Variants in DLGAP1 observed in about 807,000 individuals in gnomAD.
DLGAP1 encodes the protein DLG associated protein 1.
DLGAP1 carries 11 observed loss-of-function variants against 90.8 expected under a neutral mutation model. The ratio of observed to expected loss-of-function variants is 0.12; its 90% CI spans 0.08 to 0.20. The LOEUF (loss-of-function observed/expected upper bound fraction) is 0.20. Among genes scored for constraint, DLGAP1 ranks in the 10% least tolerant of loss-of-function variants. The pLI, the probability that DLGAP1 is intolerant of heterozygous loss-of-function variation, is 1.00. For missense variants in DLGAP1, 1,050 were observed against 1,333.8 expected, an observed-to-expected ratio of 0.79 and a Z score of 3.31; for synonymous variants, 558 against 540.7, an observed-to-expected ratio of 1.03 and a Z score of -0.44.
chr18:4,164,039 G>A (rs2076892126), intron 1 of DLGAP1, among the ~76,000 whole-genome samples: 1 of 151,996 alleles, frequency 6.6e-6, no homozygotes, highest in Admixed American at 6.6e-5. Flanking sequence ...TGGAAACTCT[G>A]GCAGCACCAG....
At chr18:3,798,633 T>C (rs529562121) in intron 5 of DLGAP1, among the ~76,000 whole-genome samples, 1 of 152,326 alleles carries the variant, frequency 6.6e-6, no homozygotes, top group Admixed American at 6.5e-5. Context: ...GTTTTATCGT[T>C]GTCTATTCCC....
intron 3 of DLGAP1, among the ~76,000 whole-genome samples, chr18:3,972,806 C>T (rs1004545102): frequency 6.6e-6 from 1 of 152,152 alleles, no homozygotes; most frequent in African/African-American, 2.4e-5. Flanking sequence ...CCCTGGCCAG[C>T]AACACTGAGA....
intron 1 of DLGAP1, among the ~76,000 whole-genome samples, chr18:4,257,971 A>G (rs59545823): frequency 0.031 from 2,642 of 84,604 alleles, 25 homozygotes; most frequent in Admixed American, 0.04. Flanking sequence ...AGAGTTATAC[A>G]TATGTGTGTG....
At position 3,953,034 on chromosome 18, in the gene DLGAP1, C is replaced by T. The variant is rs182229404; in HGVS notation, c.-73+52082G>A. Among the ~76,000 whole-genome samples the T allele has an allele frequency of 4.7e-3, 722 of 152,204 alleles. 1 individual carries two copies. The highest frequency in any genetic ancestry group is 0.01 in the Middle Eastern group (3 of 294). On this transcript the variant is annotated intron_variant, in intron 3 of 12. Coordinates refer to ENST00000315677, the MANE Select transcript of DLGAP1 (RefSeq NM_004746.4). ...ATCTCTAAGTTTATTAGTTGTATATCGAATATGCAAAACAGAAAGCAGCCT... is the reference window on the plus strand; with the variant it reads ...ATCTCTAAGTTTATTAGTTGTATATTGAATATGCAAAACAGAAAGCAGCCT...
chr18:3,593,819 C>T (rs1039053262), intron 7 of DLGAP1: 5 of 152,138 alleles, frequency 3.3e-5, no homozygotes, highest in Non-Finnish European at 5.9e-5. Flanking sequence ...TCAAACGCAA[C>T]ATTGTTCTCA....
intron 5 of DLGAP1, among the ~76,000 whole-genome samples, chr18:3,796,120 C>T (rs371319789): frequency 1.3e-5 from 2 of 152,090 alleles, no homozygotes; most frequent in African/African-American, 2.4e-5. Flanking sequence ...TTACTGATAT[C>T]GCCCTTCTGT....
chr18:4,190,032 C>G (rs893126844), intron 1 of DLGAP1, among the ~76,000 whole-genome samples: 1 of 152,094 alleles, frequency 6.6e-6, no homozygotes, highest in Non-Finnish European at 1.5e-5. Flanking sequence ...ATACAGCAAT[C>G]ATACTCCTAG....
At position 3,506,426 on chromosome 18, in the gene DLGAP1, C is replaced by T. The variant is rs752750937; in HGVS notation, c.2571+2144G>A. The stretch of plus-strand genomic sequence containing the variant: ...TACTCGGGAGGGTGAGGCAGGAGAA[C>T]CTCTTGAACCCAGGAGGCGGAGGTT... On this transcript the variant is annotated intron_variant, in intron 11 of 12. Coordinates refer to ENST00000315677, the MANE Select transcript of DLGAP1 (RefSeq NM_004746.4). Among the ~76,000 whole-genome samples, 129 of 146,320 alleles carry T rather than the reference C, an allele frequency of 8.8e-4. 1 individual carries two copies. The highest frequency in any genetic ancestry group is 1.5e-3 in the Non-Finnish European group (98 of 67,166).
chr18:3,862,955 G>A (rs2070172154), intron 4 of DLGAP1, among the ~76,000 whole-genome samples: 2 of 152,228 alleles, frequency 1.3e-5, no homozygotes, highest in African/African-American at 4.8e-5. Context: ...TCTAATCACT[G>A]GGACATCACC....
chr18:3,732,850 C>A (rs2062492492), intron 6 of DLGAP1, among the ~76,000 whole-genome samples: 1 of 152,064 alleles, frequency 6.6e-6, no homozygotes, highest in African/African-American at 2.4e-5. Flanking sequence ...TACAAGAACA[C>A]AATCTGGGTA....
At chr18:4,043,087 T>C (rs1480999945) in intron 2 of DLGAP1, among the ~76,000 whole-genome samples, 1 of 152,222 alleles carries the variant, frequency 6.6e-6, no homozygotes, top group Non-Finnish European at 1.5e-5. Context: ...TGTTGATCTC[T>C]TTTTTTAGAA....
rs644384 is a variant in DLGAP1 at position 4,342,609 on chromosome 18, T to C, written c.-267+112397A>G. On this transcript the variant is annotated intron_variant, in intron 1 of 12. Coordinates refer to ENST00000315677, the MANE Select transcript of DLGAP1 (RefSeq NM_004746.4). The surrounding 1 kb of genome is among the most constrained non-coding windows in gnomAD (Gnocchi z 5.8). ...TCCAAGAATCTGGCTTAGGCTGAGA[T>C]TACACAAAGAGGGAAATTAGCTCTA... Among the ~76,000 whole-genome samples, 144,198 of 152,170 alleles carry C rather than the reference T, an allele frequency of 0.95. 68,658 individuals are homozygous for C. The highest frequency in any genetic ancestry group is 0.99 in the Non-Finnish European group (67,519 of 68,010).
At chr18:4,433,697 T>G (rs2083339034) in intron 1 of DLGAP1, among the ~76,000 whole-genome samples, 1 of 152,206 alleles carries the variant, frequency 6.6e-6, no homozygotes, top group South Asian at 2.1e-4. Flanking sequence ...TACTCTCTAA[T>G]CTCATCACCA....
rs559692987 is a variant in DLGAP1, at chr18:3,622,068, T to C, written c.1592-39820A>G. On this transcript the variant is annotated intron_variant, in intron 7 of 12. Transcript: ENST00000315677. ...TGCGTATGGGTAGTGTATGTGTATG[T>C]TGGCTGTGTGTGTACCCACTGACTC... Among the ~76,000 whole-genome samples the C allele has an allele frequency of 1.9e-4, 29 of 152,228 alleles. No individual in the cohort carries two copies. In the East Asian group the frequency reaches 5.2e-3, roughly 27 times the overall value.
chr18:4,327,497 A>G (rs1221212573), intron 1 of DLGAP1, among the ~76,000 whole-genome samples: 3 of 152,198 alleles, frequency 2.0e-5, no homozygotes, highest in Non-Finnish European at 4.4e-5. Flanking sequence ...TCAATATTGA[A>G]GTATAATGGA....
intron 7 of DLGAP1, among the ~76,000 whole-genome samples, chr18:3,639,815 C>G (rs796467327): frequency 7.8e-6 from 1 of 128,430 alleles, no homozygotes; most frequent in Middle Eastern, 4.6e-3. Context: ...AGTGCAGTGG[C>G]GCGATCTCGG....
At chr18:4,264,894 T>C (rs2079073799) in intron 1 of DLGAP1, 1 of 152,154 alleles carries the variant, frequency 6.6e-6, no homozygotes, top group Non-Finnish European at 1.5e-5. Context: ...GGCAAAACCA[T>C]GAGGAAGGTA....
chr18:3,945,992 G>A (rs951647095), intron 3 of DLGAP1, among the ~76,000 whole-genome samples: 4 of 152,106 alleles, frequency 2.6e-5, no homozygotes, highest in Non-Finnish European at 4.4e-5. Context: ...TCTAGAAATT[G>A]ATTCTTAAAG....
intron 1 of DLGAP1, among the ~76,000 whole-genome samples, chr18:4,218,309 G>A (rs562738770): frequency 6.6e-6 from 1 of 151,754 alleles, no homozygotes; most frequent in African/African-American, 2.4e-5. Context: ...TAGCTTTGTA[G>A]TTGTTCCTTT....
Sources: gnomAD v4.1 joint callset for allele counts (sites outside exome capture counted in the v4.1 genomes callset) on GRCh38, gnomAD v4.1.1 for gene constraint, Gnocchi (gnomAD v3.1) non-coding constraint, MANE v1.5 for transcripts, NCBI Gene and HGNC (gene_info 2026-07-23, HGNC 2026-07-21) for gene names.